The following SLC24A3 variants were observed in gnomAD, a reference collection of about 807,000 sequenced individuals.
The protein encoded by SLC24A3 is sodium/potassium/calcium exchanger 3.
SLC24A3 carries 28 observed loss-of-function variants against 75.8 expected under a neutral mutation model. The observed-to-expected ratio is 0.37, with a 90% CI of 0.27 to 0.51. The LOEUF (loss-of-function observed/expected upper bound fraction) is 0.51. SLC24A3 is among the 20% of genes least tolerant of loss of function. The pLI is 0.94. For synonymous variants in SLC24A3, 372 were observed against 334.1 expected, an observed-to-expected ratio of 1.11 and a Z score of -1.24; for missense variants, 663 against 847.8, an observed-to-expected ratio of 0.78 and a Z score of 2.71.
At chr20:19,596,152 A>T (rs2031450483) in intron 6 of SLC24A3, among the ~76,000 whole-genome samples, 2 of 152,122 alleles carry the variant, frequency 1.3e-5, no homozygotes, top group African/African-American at 4.8e-5. Context: ...ATATTCTGGG[A>T]ATATCACCCC....
intron 1 of SLC24A3, among the ~76,000 whole-genome samples, chr20:19,252,275 C>CT (rs903198125): frequency 5.3e-5 from 8 of 152,186 alleles, no homozygotes; most frequent in Admixed American, 4.6e-4. Flanking sequence ...GCCAGAATAA[C>CT]TAGCTTGGAA....
At chr20:19,621,659 A>G (rs762305279) in intron 6 of SLC24A3, among the ~76,000 whole-genome samples, 6 of 152,138 alleles carry the variant, frequency 3.9e-5, no homozygotes, top group Non-Finnish European at 8.8e-5. Flanking sequence ...TGCAGATTCT[A>G]ATTTGAAAGG....
chr20:19,306,147 A>G (rs1236296425), intron 2 of SLC24A3, among the ~76,000 whole-genome samples: 1 of 152,248 alleles, frequency 6.6e-6, no homozygotes, highest in Non-Finnish European at 1.5e-5. Context: ...TAATGATTAG[A>G]GAAATGCAAA....
At chr20:19,495,705 C>T (rs760806554) in intron 2 of SLC24A3, among the ~76,000 whole-genome samples, 7 of 152,258 alleles carry the variant, frequency 4.6e-5, no homozygotes, top group Non-Finnish European at 1.0e-4. Flanking sequence ...ATTCACTTCA[C>T]TTCTTGCCTT....
At chr20:19,323,748 A>C (rs1040051751) in intron 2 of SLC24A3, among the ~76,000 whole-genome samples, 3 of 152,216 alleles carry the variant, frequency 2.0e-5, no homozygotes, top group Non-Finnish European at 4.4e-5. Flanking sequence ...TGGAAGCCAC[A>C]CTGACCCATG....
intron 6 of SLC24A3, among the ~76,000 whole-genome samples, chr20:19,647,439 G>T (rs2032152329): frequency 6.6e-6 from 1 of 152,316 alleles, no homozygotes; most frequent in African/African-American, 2.4e-5. Flanking sequence ...ACTGCCAAAT[G>T]CTGTGCCGGG....
At chr20:19,638,488 C>T (rs1283745712) in intron 6 of SLC24A3, among the ~76,000 whole-genome samples, 1 of 152,028 alleles carries the variant, frequency 6.6e-6, no homozygotes, top group African/African-American at 2.4e-5. Flanking sequence ...ACTTGAGGAA[C>T]TCATTTTCAA....
chr20:19,665,198 G>T (rs914878501), intron 7 of SLC24A3, among the ~76,000 whole-genome samples: 1 of 152,174 alleles, frequency 6.6e-6, no homozygotes, highest in African/African-American at 2.4e-5. Context: ...CTTCCTTAGT[G>T]AAAGGGCAGG....
chr20:19,279,946 G>C lies in SLC24A3; in HGVS notation c.143-1013G>C, dbSNP rs117528768. ...TGCCTATCTACACGGTACCTAAAGA[G>C]AGAGTCATGCTGTGGCCAGCAACGT... On this transcript the variant is annotated intron_variant, in intron 1 of 16. Transcript: ENST00000328041. 1.4e-3 allele frequency among the ~76,000 whole-genome samples: 218 copies of C among 152,350 alleles called. 3 individuals are homozygous for C. The East Asian group carries it at 0.035, about 24-fold the overall frequency.
intron 1 of SLC24A3, among the ~76,000 whole-genome samples, chr20:19,256,098 C>CTAATAATAATAA (rs3058400): frequency 8.7e-5 from 13 of 149,344 alleles, no homozygotes; most frequent in South Asian, 2.1e-4. Context: ...GACCCTGTCT[C>CTAATAATAATAA]TAATAATAAT....
chr20:19,638,343 T>A (rs2032026411), intron 6 of SLC24A3, among the ~76,000 whole-genome samples: 1 of 152,178 alleles, frequency 6.6e-6, no homozygotes, highest in Admixed American at 6.6e-5. Flanking sequence ...TAAATAAAAG[T>A]GTATACCGCT....
At chr20:19,586,094 T>G (rs1260537454) in intron 6 of SLC24A3, among the ~76,000 whole-genome samples, 3 of 152,160 alleles carry the variant, frequency 2.0e-5, no homozygotes, top group East Asian at 1.9e-4. Context: ...CCTATGGAGT[T>G]GATGCCACTT....
At chr20:19,620,684 G>T (rs534801732) in intron 6 of SLC24A3, among the ~76,000 whole-genome samples, 1 of 152,302 alleles carries the variant, frequency 6.6e-6, no homozygotes, top group African/African-American at 2.4e-5. Flanking sequence ...AGAGCAGCTG[G>T]ATGATTAACG....
chr20:19,455,857 T>C (rs183211916), intron 2 of SLC24A3, among the ~76,000 whole-genome samples: 1 of 152,212 alleles, frequency 6.6e-6, no homozygotes, highest in Admixed American at 6.5e-5. Context: ...AACTACTTGG[T>C]TGAGAGGCTA....
intron 3 of SLC24A3, among the ~76,000 whole-genome samples, chr20:19,531,822 G>C (rs891708845): frequency 6.6e-6 from 1 of 152,146 alleles, no homozygotes; most frequent in Non-Finnish European, 1.5e-5. Flanking sequence ...CCAAGCCCCC[G>C]CGTGGAGATC....
intron 2 of SLC24A3, among the ~76,000 whole-genome samples, chr20:19,405,598 A>G (rs940241071): frequency 6.6e-6 from 1 of 152,236 alleles, no homozygotes; most frequent in Non-Finnish European, 1.5e-5. Flanking sequence ...TTTCAGCCAC[A>G]TCTATCTTCA....
At chr20:19,623,311 T>TTTATGC (rs1168020603) in intron 6 of SLC24A3, among the ~76,000 whole-genome samples, 3 of 152,194 alleles carry the variant, frequency 2.0e-5, no homozygotes, top group East Asian at 1.9e-4. Flanking sequence ...AAATGCTTTC[T>TTTATGC]CAAAATGAAT....
intron 6 of SLC24A3, among the ~76,000 whole-genome samples, chr20:19,606,752 C>G (rs1198472199): frequency 3.9e-5 from 6 of 152,154 alleles, no homozygotes; most frequent in Non-Finnish European, 8.8e-5. Context: ...AGAAGGATGT[C>G]AGAAAGCAGG....
chr20:19,660,658 G>A (rs1340397873), intron 7 of SLC24A3, among the ~76,000 whole-genome samples: 1 of 152,144 alleles, frequency 6.6e-6, no homozygotes, highest in Non-Finnish European at 1.5e-5. Flanking sequence ...ATACCCAGTA[G>A]TGGGATTGCT....
Sources: allele counts gnomAD v4.1 joint callset (sites outside exome capture counted in the v4.1 genomes callset), GRCh38; gene constraint gnomAD v4.1.1; transcripts MANE v1.5; gene names NCBI Gene and HGNC (gene_info 2026-07-23, HGNC 2026-07-21).